CSGALNACT1: variants seen among roughly 807,000 people sequenced by gnomAD.
CSGALNACT1 encodes chondroitin sulfate N-acetylgalactosaminyltransferase 1.
In CSGALNACT1, 52 loss-of-function variants were observed where a neutral mutation model predicts 51.0. The observed-to-expected ratio is 1.02, with a 90% confidence interval of 0.82 to 1.29. The LOEUF (loss-of-function observed/expected upper bound fraction) is 1.29. CSGALNACT1 is among the 50% of genes most tolerant of loss of function. CSGALNACT1 has a pLI of 0.00. For synonymous variants in CSGALNACT1, 341 were observed against 254.4 expected, an observed-to-expected ratio of 1.34 and a Z score of -3.24; for missense variants, 935 against 679.2, an observed-to-expected ratio of 1.38 and a Z score of -4.19.
At chr8:19,629,988 G>C (rs2054991600) in intron 1 of CSGALNACT1, among the ~76,000 whole-genome samples, 1 of 152,174 alleles carries the variant, frequency 6.6e-6, no homozygotes, top group Non-Finnish European at 1.5e-5. Flanking sequence ...CAGGGATCAG[G>C]GGAGTCCGAC....
intron 6 of CSGALNACT1, among the ~76,000 whole-genome samples, chr8:19,430,489 T>C (rs1369815553): frequency 6.6e-6 from 1 of 152,222 alleles, no homozygotes; most frequent in Non-Finnish European, 1.5e-5. Flanking sequence ...CATATGATGA[T>C]CTGGTACCCT....
chr8:19,711,820 G>C (rs2062521775), intron 1 of CSGALNACT1, among the ~76,000 whole-genome samples: 1 of 152,100 alleles, frequency 6.6e-6, no homozygotes, highest in African/African-American at 2.4e-5. Context: ...TTCAAAACTA[G>C]GAAAGGATAA....
intron 3 of CSGALNACT1, among the ~76,000 whole-genome samples, chr8:19,531,527 C>T (rs1354891231): frequency 2.0e-5 from 3 of 152,190 alleles, no homozygotes; most frequent in Non-Finnish European, 4.4e-5. Context: ...ATCTCCAAGT[C>T]CTGTTTCTAA....
intron 1 of CSGALNACT1, among the ~76,000 whole-genome samples, chr8:19,624,138 AT>A (rs1281127785): frequency 1.3e-5 from 2 of 152,152 alleles, no homozygotes; most frequent in Admixed American, 6.5e-5. Context: ...TCCCTAGACT[AT>A]TTGGACCACC....
intron 3 of CSGALNACT1, among the ~76,000 whole-genome samples, chr8:19,507,118 A>G (rs1471061775): frequency 6.6e-6 from 1 of 152,202 alleles, no homozygotes; most frequent in Non-Finnish European, 1.5e-5. Flanking sequence ...CACATCCAGA[A>G]GGGATCAGGG....
intron 1 of CSGALNACT1, among the ~76,000 whole-genome samples, chr8:19,627,562 C>T (rs957296703): frequency 6.6e-6 from 1 of 152,106 alleles, no homozygotes; most frequent in Non-Finnish European, 1.5e-5. Flanking sequence ...GTGATTCACA[C>T]CTGTAATCCC....
At chr8:19,535,408 A>G (rs543146847) in intron 3 of CSGALNACT1, among the ~76,000 whole-genome samples, 3 of 152,180 alleles carry the variant, frequency 2.0e-5, no homozygotes, top group Non-Finnish European at 4.4e-5. Context: ...AAATTAGTTA[A>G]AAGTTGATGA....
rs527498783 is a variant in CSGALNACT1, at chr8:19,482,045, C to T, written c.634+23156G>A. ...ACGTTATCAGCTCTTTCCATCAAAT[C>T]GCTCATGACTCCGATTAAATACACA... On this transcript the variant is annotated intron_variant, in intron 4 of 9. Transcript: ENST00000454498. Among the ~76,000 whole-genome samples the T allele has an allele frequency of 2.7e-3, 408 of 152,202 alleles. 3 individuals carry two copies. Among genetic ancestry groups the T allele is most frequent in the Non-Finnish European group, 4.9e-3 (331 of 67,998 alleles).
At chr8:19,677,151 C>G (rs1240712173) in intron 1 of CSGALNACT1, among the ~76,000 whole-genome samples, 3 of 152,016 alleles carry the variant, frequency 2.0e-5, no homozygotes, top group African/African-American at 7.2e-5. Context: ...CTCTGTCACC[C>G]AGGATGGAAT....
intron 6 of CSGALNACT1, among the ~76,000 whole-genome samples, chr8:19,428,829 G>GTGTA (rs990683225): frequency 1.0e-4 from 2 of 19,424 alleles, no homozygotes; most frequent in African/African-American, 1.5e-4. Flanking sequence ...CATGATATGT[G>GTGTA]TGTGTGTGTG....
At chr8:19,632,678 A>G (rs1389269607) in intron 1 of CSGALNACT1, among the ~76,000 whole-genome samples, 7 of 152,168 alleles carry the variant, frequency 4.6e-5, no homozygotes, top group Non-Finnish European at 7.3e-5. Flanking sequence ...CTCACATCTC[A>G]GCAGTGCTAA....
chr8:19,722,094 T>C (rs535229614), intron 1 of CSGALNACT1, among the ~76,000 whole-genome samples: 51 of 152,364 alleles, frequency 3.3e-4, no homozygotes, highest in African/African-American at 1.1e-3. Flanking sequence ...AGAAACCTTT[T>C]GCTTACATTT....
intron 4 of CSGALNACT1, among the ~76,000 whole-genome samples, chr8:19,465,761 G>A (rs1158262862): frequency 6.6e-6 from 1 of 152,132 alleles, no homozygotes; most frequent in African/African-American, 2.4e-5. Flanking sequence ...CCCTGTCCAG[G>A]CTTACCATTT....
chr8:19,541,607 C>G (rs35808840), intron 3 of CSGALNACT1, among the ~76,000 whole-genome samples: 1 of 129,748 alleles, frequency 7.7e-6, no homozygotes, highest in Non-Finnish European at 1.6e-5. Context: ...ACCACATTGG[C>G]CAGGCAGGTC....
rs1397164925 is a variant in CSGALNACT1, at chr8:19,676,081, AT to A, written c.-544+6391del. Among the ~76,000 whole-genome samples, 25 of 130,230 alleles carry A rather than the reference AT, an allele frequency of 1.9e-4. 2 individuals carry two copies. Among genetic ancestry groups the A allele is most frequent in the African/African-American group, 7.4e-4 (25 of 33,750 alleles). 85.4% of individuals were successfully genotyped at this position (130,230 alleles called of 152,430 possible). ...AACCACGATGGATGGTGGTTGTCTG[AT>A]TTAAAAAACAAAACAAAACAAAAAA... On this transcript the variant is annotated intron_variant, in intron 1 of 9. Coordinates refer to the CSGALNACT1 transcript ENST00000332246.
chr8:19,655,563 C>CATATATAT lies in CSGALNACT1; in HGVS notation c.-544+26909_-544+26910insATATATAT, dbSNP rs372331308. Among the ~76,000 whole-genome samples, 876 of 126,946 alleles carry CATATATAT rather than the reference C, an allele frequency of 6.9e-3. 14 individuals carry two copies. The highest frequency in any genetic ancestry group is 0.021 in the African/African-American group (750 of 35,894). The allele number at this position is 126,946 out of a possible 152,430, so 83.3% of individuals were successfully genotyped here. A position where few individuals can be genotyped will look rare whatever the true frequency, so the allele number is the denominator to read the frequency against. ...ACATCTATATGCACATATATATACA[C>CATATATAT]ACACACACACACACACATATATATA... On this transcript the variant is annotated intron_variant, in intron 1 of 9. Coordinates refer to the CSGALNACT1 transcript ENST00000332246.
At chr8:19,598,879 T>C (rs1313019101) in intron 2 of CSGALNACT1, among the ~76,000 whole-genome samples, 1 of 152,208 alleles carries the variant, frequency 6.6e-6, no homozygotes, top group Non-Finnish European at 1.5e-5. Context: ...CACTTTTCCA[T>C]TCATTCACTC....
intron 1 of CSGALNACT1, among the ~76,000 whole-genome samples, chr8:19,744,945 C>T (rs759712459): frequency 1.3e-5 from 2 of 152,132 alleles, no homozygotes; most frequent in Non-Finnish European, 1.5e-5. Flanking sequence ...GGTCCAAATA[C>T]AATGTAAACA....
intron 5 of CSGALNACT1, among the ~76,000 whole-genome samples, chr8:19,450,759 A>G (rs965530125): frequency 1.3e-5 from 2 of 152,012 alleles, no homozygotes; most frequent in African/African-American, 4.8e-5. Context: ...TCTACAAAAA[A>G]TCTGGCTGGA....
Sources: gnomAD v4.1 joint callset for allele counts (sites outside exome capture counted in the v4.1 genomes callset) on GRCh38, gnomAD v4.1.1 for gene constraint, MANE v1.5 for transcripts, NCBI Gene and HGNC (gene_info 2026-07-23, HGNC 2026-07-21) for gene names.